The following QRFPR variants were observed in gnomAD, a reference collection of about 807,000 sequenced individuals.
QRFPR encodes the protein pyroglutamylated RF-amide peptide receptor.
In QRFPR, 37 loss-of-function variants were observed where a neutral mutation model predicts 31.3. That is an observed-to-expected ratio of 1.18 (90% CI 0.91 to 1.56). The LOEUF (loss-of-function observed/expected upper bound fraction) is 1.56. QRFPR is among the 40% of genes most tolerant of loss of function. The probability of loss-of-function intolerance (pLI) is 0.00; values close to 1 mark genes in which losing one functional copy is unlikely to be tolerated. For synonymous variants in QRFPR, 197 were observed against 192.0 expected (o/e 1.03, Z -0.22); for missense variants, 542 against 532.5 (o/e 1.02, Z -0.18).
intron 3 of QRFPR, among the ~76,000 whole-genome samples, chr4:121,335,440 A>T (rs916701249): frequency 7.9e-5 from 12 of 151,896 alleles, no homozygotes; most frequent in Non-Finnish European, 1.6e-4. Flanking sequence ...ATCTTTGAGA[A>T]GTCCTGAAGC....
intron 2 of QRFPR, among the ~76,000 whole-genome samples, chr4:121,338,794 C>T (rs1417434434): frequency 6.6e-6 from 1 of 152,180 alleles, no homozygotes; most frequent in Non-Finnish European, 1.5e-5. Context: ...TTCTTGTTTC[C>T]TATGTCTCTT....
In QRFPR at chr4:121,353,965, T is replaced by C. The variant is rs189212379; in HGVS notation, c.341-13355A>G. On this transcript the variant is annotated intron_variant, in intron 1 of 5. Coordinates refer to ENST00000394427, the MANE Select transcript of QRFPR (RefSeq NM_198179.3). ...TTCCAGCATCACTTATTGAAGAGAC[T>C]GTCCTTTCCCTAGTATATGTTCTTG... 2.6e-5 allele frequency among the ~76,000 whole-genome samples: 4 copies of C among 152,200 alleles called. No individual in the cohort carries two copies. In the East Asian group the frequency reaches 7.7e-4, roughly 29 times the overall value.
At position 121,380,878 on chromosome 4, in the gene QRFPR, G is replaced by C; in HGVS notation, c.-231C>G. 2.0e-6 allele frequency: 1 copy of C among 502,948 alleles called. No homozygotes were observed. Among genetic ancestry groups the C allele is most frequent in the Non-Finnish European group, 3.5e-6 (1 of 287,530 alleles). 31.2% of individuals were successfully genotyped at this position (502,948 alleles called of 1,614,324 possible). A position where few individuals can be genotyped will look rare whatever the true frequency, so the allele number is the denominator to read the frequency against. ...GGGAAGCCAAAGCACTGGGAGACTC[G>C]ATCTCAGTGACCAAAAAATGTTCGC... is the stretch of plus-strand genomic sequence containing the variant. On this transcript the variant is annotated 5_prime_UTR_variant, in exon 1 of 6. It adds an upstream start codon to the 5' untranslated region. Coordinates refer to ENST00000394427, the MANE Select transcript of QRFPR (RefSeq NM_198179.3).
chr4:121,356,352 G>A (rs1725870471), intron 1 of QRFPR, among the ~76,000 whole-genome samples: 1 of 152,120 alleles, frequency 6.6e-6, no homozygotes, highest in Non-Finnish European at 1.5e-5. Flanking sequence ...AGCTTCCTCA[G>A]AACAGTTATT....
chr4:121,342,012 CT>C lies in QRFPR; in HGVS notation c.341-1403del, dbSNP rs1415057415. Reference sequence around the variant, plus strand: ...ATACCCAGATAGCTAGCAAAATGTACTTCTGGATATGCCTGCGAGGGTGTTT... The same window carrying C: ...ATACCCAGATAGCTAGCAAAATGTACTCTGGATATGCCTGCGAGGGTGTTT... On this transcript the variant is annotated intron_variant, in intron 1 of 5. Coordinates refer to ENST00000394427, the MANE Select transcript of QRFPR (RefSeq NM_198179.3). Among the ~76,000 whole-genome samples, 7 of 152,318 alleles carry C rather than the reference CT, an allele frequency of 4.6e-5. No homozygotes were observed. The East Asian group carries it at 7.7e-4, about 17-fold the overall frequency.
At chr4:121,342,053 C>G (rs1295658831) in intron 1 of QRFPR, among the ~76,000 whole-genome samples, 1 of 152,180 alleles carries the variant, frequency 6.6e-6, no homozygotes, top group Non-Finnish European at 1.5e-5. Flanking sequence ...AAGAGATGAG[C>G]ATTTGAATCA....
chr4:121,365,501 A>T (rs184139464), intron 1 of QRFPR, among the ~76,000 whole-genome samples: 1,428 of 3,340 alleles, frequency 0.43, 194 homozygotes, highest in Middle Eastern at 0.5. Context: ...TATATATATA[A>T]TATATATAAT....
chr4:121,355,007 A>G (rs1416066492), intron 1 of QRFPR, among the ~76,000 whole-genome samples: 1 of 152,120 alleles, frequency 6.6e-6, no homozygotes, highest in East Asian at 1.9e-4. Context: ...TATGCTAATC[A>G]AGGATATTGG....
chr4:121,372,921 T>C (rs1726279295), intron 1 of QRFPR, among the ~76,000 whole-genome samples: 2 of 152,102 alleles, frequency 1.3e-5, no homozygotes, highest in Non-Finnish European at 2.9e-5. Context: ...AAAAGACAGC[T>C]CTAGAATGAA....
At chr4:121,341,182 C>T (rs1725537497) in intron 1 of QRFPR, among the ~76,000 whole-genome samples, 1 of 152,214 alleles carries the variant, frequency 6.6e-6, no homozygotes, top group Admixed American at 6.5e-5. Context: ...TGAAAACATG[C>T]TTTATTTGGT....
At chr4:121,342,706 C>G (rs1285068132) in intron 1 of QRFPR, among the ~76,000 whole-genome samples, 1 of 139,140 alleles carries the variant, frequency 7.2e-6, no homozygotes, top group Non-Finnish European at 1.7e-5. Context: ...TAATTTTTGT[C>G]TATTTTTTTC....
At chr4:121,370,497 G>C (rs1726218235) in intron 1 of QRFPR, among the ~76,000 whole-genome samples, 1 of 152,338 alleles carries the variant, frequency 6.6e-6, no homozygotes, top group African/African-American at 2.4e-5. Context: ...TCCATCCAGA[G>C]GTTCTGCTAT....
rs140083021 is a variant in QRFPR at position 121,330,443 on chromosome 4, T to C, written c.878A>G (p.His293Arg). The C allele has an allele frequency of 1.2e-4, 186 of 1,611,434 alleles. No homozygotes were observed. The African/African-American group carries it at 2.3e-3, about 20-fold the overall frequency. Residue 293 changes from histidine (H) to arginine (R), a missense_variant, in exon 5 of 6, where the codon CAT (histidine) becomes CGT (arginine). Coordinates refer to ENST00000394427, the MANE Select transcript of QRFPR (RefSeq NM_198179.3). Reference protein sequence around the residue: ...AVCWAPFHVVHMMIEYSNFEK... With the variant: ...AVCWAPFHVVRMMIEYSNFEK... ...GCACTCACTGTATTCAATCATCATA[T>C]GGACAACATGGAATGGTGCCCAGCA... is the stretch of plus-strand genomic sequence containing the variant.
chr4:121,332,346 C>T (rs1029301309), intron 4 of QRFPR, among the ~76,000 whole-genome samples: 9 of 152,138 alleles, frequency 5.9e-5, no homozygotes, highest in African/African-American at 2.2e-4. Context: ...TAGCATGCTT[C>T]GGTTTCCAAA....
chr4:121,369,593 G>A, intron 1 of QRFPR: 1 of 1,611,454 alleles, frequency 6.2e-7, no homozygotes, highest in Non-Finnish European at 8.5e-7. Flanking sequence ...CAGTTCCATT[G>A]GAGAGGGCTT....
intron 1 of QRFPR, among the ~76,000 whole-genome samples, chr4:121,351,105 A>T (rs1725752756): frequency 6.6e-6 from 1 of 152,214 alleles, no homozygotes; most frequent in Admixed American, 6.5e-5. Context: ...AGAAGGAAAG[A>T]CAGCTTTCCT....
At chr4:121,356,693 G>A (rs901084239) in intron 1 of QRFPR, among the ~76,000 whole-genome samples, 1 of 152,136 alleles carries the variant, frequency 6.6e-6, no homozygotes, top group East Asian at 1.9e-4. Flanking sequence ...GTAAGATAAG[G>A]AAGAATCCCT....
intron 3 of QRFPR, 93 bp from the exon 4 acceptor site, chr4:121,333,149 G>T: frequency 2.6e-6 from 2 of 782,092 alleles, no homozygotes; most frequent in Non-Finnish European, 4.1e-6. Context: ...CATTTTTTAA[G>T]TTCTTTCAAA....
At chr4:121,339,578 TCAC>T (rs1725499673) in intron 2 of QRFPR, among the ~76,000 whole-genome samples, 1 of 152,160 alleles carries the variant, frequency 6.6e-6, no homozygotes, top group Non-Finnish European at 1.5e-5. Context: ...CCTTGTGTAC[TCAC>T]CACAAGGGCA....
Sources: gnomAD v4.1 joint callset for allele counts (sites outside exome capture counted in the v4.1 genomes callset) on GRCh38, gnomAD v4.1.1 for gene constraint, MANE v1.5 for transcripts, NCBI Gene and HGNC (gene_info 2026-07-23, HGNC 2026-07-21) for gene names.